The following ZNF804A variants were observed in gnomAD, a reference collection of about 807,000 sequenced individuals.
ZNF804A encodes the protein zinc finger protein 804A.
ZNF804A carries 2 observed loss-of-function variants against 16.5 expected under a neutral mutation model. That is an observed-to-expected ratio of 0.12 (90% CI 0.05 to 0.38). The LOEUF (loss-of-function observed/expected upper bound fraction) is 0.38, where lower values mean the gene tolerates loss of function less well. Among genes scored for constraint, ZNF804A ranks in the 10% least tolerant of loss-of-function variants. The pLI is 0.99. For synonymous variants in ZNF804A, 534 were observed against 489.6 expected (o/e 1.09, Z -1.20); for missense variants, 1,473 against 1,390.7 (o/e 1.06, Z -0.94).
chr2:184,631,372 A>C (rs753283367), intron 1 of ZNF804A, among the ~76,000 whole-genome samples: 6 of 152,160 alleles, frequency 3.9e-5, no homozygotes, highest in Non-Finnish European at 8.8e-5. Context: ...CCATTATTGC[A>C]CTAATTTTTT....
intron 2 of ZNF804A, among the ~76,000 whole-genome samples, chr2:184,879,322 C>G (rs1034957365): frequency 3.9e-5 from 6 of 151,964 alleles, no homozygotes; most frequent in Non-Finnish European, 8.8e-5. Flanking sequence ...GTAAAATAGA[C>G]TTCTTTATTA....
chr2:184,868,934 A>C (rs888420431), intron 2 of ZNF804A, among the ~76,000 whole-genome samples: 8 of 152,084 alleles, frequency 5.3e-5, no homozygotes, highest in Non-Finnish European at 1.2e-4. Flanking sequence ...TTTCCCATAG[A>C]AAATACCTTT....
At chr2:184,865,295 C>A (rs547510162) in intron 1 of ZNF804A, among the ~76,000 whole-genome samples, 2 of 151,860 alleles carry the variant, frequency 1.3e-5, no homozygotes, top group African/African-American at 4.8e-5. Context: ...TGTTTACACA[C>A]GGAAACATTG....
intron 1 of ZNF804A, among the ~76,000 whole-genome samples, chr2:184,692,029 G>T (rs1324612059): frequency 6.6e-6 from 1 of 152,118 alleles, no homozygotes; most frequent in African/African-American, 2.4e-5. Flanking sequence ...TAACTGTATA[G>T]CCTACTAAAA....
intron 1 of ZNF804A, among the ~76,000 whole-genome samples, chr2:184,794,559 A>C (rs1694601679): frequency 6.6e-6 from 1 of 152,038 alleles, no homozygotes; most frequent in South Asian, 2.1e-4. Context: ...TAAATCTCAT[A>C]GTACCTATAG....
rs1695346888 is a variant in ZNF804A, at chr2:184,836,427, T to A, written c.112-29942T>A. ...ACAGACAAGATACAGAATCAGTGTC[T>A]TAGAGGGAAGAGTAATAACGGAAGT... On this transcript the variant is annotated intron_variant, in intron 1 of 3. Coordinates refer to ENST00000302277, the MANE Select transcript of ZNF804A (RefSeq NM_194250.2). Among the ~76,000 whole-genome samples the A allele has an allele frequency of 2.0e-5, 3 of 152,070 alleles. No homozygotes were observed. In the South Asian group the frequency reaches 6.2e-4, roughly 31 times the overall value.
chr2:184,685,249 C>T (rs1212159137), intron 1 of ZNF804A, among the ~76,000 whole-genome samples: 1 of 151,960 alleles, frequency 6.6e-6, no homozygotes, highest in Non-Finnish European at 1.5e-5. Flanking sequence ...GCCCCCATGT[C>T]TAGATGAAGG....
chr2:184,665,509 C>T (rs1471601448), intron 1 of ZNF804A, among the ~76,000 whole-genome samples: 1 of 152,174 alleles, frequency 6.6e-6, no homozygotes, highest in Non-Finnish European at 1.5e-5. Context: ...AAATACTACA[C>T]ATTTAACAGA....
At position 184,755,236 on chromosome 2, in the gene ZNF804A, T is replaced by A. The variant is rs1463492391; in HGVS notation, c.112-111133T>A. On this transcript the variant is annotated intron_variant, in intron 1 of 3. Transcript: ENST00000302277. ...TAACTATATGATTCGTGAGCGTGTT[T>A]GATGGTGACCTTATAATGTCGACCT... is the stretch of plus-strand genomic sequence containing the variant. Among the ~76,000 whole-genome samples the A allele has an allele frequency of 2.0e-5, 3 of 151,964 alleles. No individual in the cohort carries two copies. In the East Asian group the frequency reaches 5.8e-4, roughly 29 times the overall value.
intron 1 of ZNF804A, among the ~76,000 whole-genome samples, chr2:184,791,964 A>G (rs903397900): frequency 6.6e-6 from 1 of 152,156 alleles, no homozygotes; most frequent in Admixed American, 6.6e-5. Flanking sequence ...AAGAATATGT[A>G]TTTTAGGTTC....
In ZNF804A at chr2:184,793,088, G is replaced by A. The variant is rs148660567; in HGVS notation, c.112-73281G>A. 1.8e-3 allele frequency among the ~76,000 whole-genome samples: 271 copies of A among 152,196 alleles called. 2 individuals are homozygous for A. The highest frequency in any genetic ancestry group is 5.7e-3 in the African/African-American group (235 of 41,546). ...GGCTTCCAGCTCCATCCATCGTGCT[G>A]CAAAGATCATGATTCCCTTCTTTTT... On this transcript the variant is annotated intron_variant, in intron 1 of 3. Coordinates refer to ENST00000302277, the MANE Select transcript of ZNF804A (RefSeq NM_194250.2).
intron 1 of ZNF804A, among the ~76,000 whole-genome samples, chr2:184,624,703 C>T (rs17617468): frequency 0.11 from 17,415 of 152,188 alleles, 1,414 homozygotes; most frequent in East Asian, 0.29. Context: ...ATACCTTTTT[C>T]TGATTAAACT....
chr2:184,888,687 G>A (rs1684935346), intron 2 of ZNF804A, among the ~76,000 whole-genome samples: 1 of 152,064 alleles, frequency 6.6e-6, no homozygotes, highest in South Asian at 2.1e-4. Context: ...AGAGAACAGA[G>A]TTTCAGGCAC....
chr2:184,827,478 A>G (rs1350231529), intron 1 of ZNF804A, among the ~76,000 whole-genome samples: 1 of 146,578 alleles, frequency 6.8e-6, no homozygotes, highest in Non-Finnish European at 1.5e-5. Flanking sequence ...ACTATAATAT[A>G]TATTTATATA....
intron 1 of ZNF804A, among the ~76,000 whole-genome samples, chr2:184,772,660 A>G (rs944606478): frequency 7.2e-5 from 11 of 151,784 alleles, no homozygotes; most frequent in Admixed American, 3.9e-4. Flanking sequence ...TCTGGATCAT[A>G]TGACAACTAT....
rs1692844317 is a variant in ZNF804A, at chr2:184,697,103, GA to G, written c.111+98035del. Among the ~76,000 whole-genome samples, 12 of 152,068 alleles carry G rather than the reference GA, an allele frequency of 7.9e-5. No homozygotes were observed. In the South Asian group the frequency reaches 1.9e-3, roughly 24 times the overall value. Reference sequence around the variant, plus strand: ...TAAAGATAACCTCTGCATGTGTGAAGAAGAGATTATATTTTAAATTAATTAT... The same window carrying G: ...TAAAGATAACCTCTGCATGTGTGAAGAGAGATTATATTTTAAATTAATTAT... On this transcript the variant is annotated intron_variant, in intron 1 of 3. Coordinates refer to ENST00000302277, the MANE Select transcript of ZNF804A (RefSeq NM_194250.2).
chr2:184,907,021 A>G (rs1055740320), intron 2 of ZNF804A, among the ~76,000 whole-genome samples: 7 of 152,158 alleles, frequency 4.6e-5, no homozygotes, highest in African/African-American at 1.4e-4. Context: ...ACCTCCAGCC[A>G]TGAAGAACTG....
intron 2 of ZNF804A, among the ~76,000 whole-genome samples, chr2:184,917,563 A>G (rs907550906): frequency 6.6e-6 from 1 of 152,116 alleles, no homozygotes; most frequent in Non-Finnish European, 1.5e-5. Flanking sequence ...GATATTCTGA[A>G]AAAAAGACCA....
chr2:184,705,691 A>G (rs1464360406), intron 1 of ZNF804A, among the ~76,000 whole-genome samples: 1 of 152,102 alleles, frequency 6.6e-6, no homozygotes, highest in Non-Finnish European at 1.5e-5. Context: ...CTATTTTTTA[A>G]GAAAAACAAC....
Sources: allele counts gnomAD v4.1 joint callset (sites outside exome capture counted in the v4.1 genomes callset), GRCh38; gene constraint gnomAD v4.1.1; transcripts MANE v1.5; gene names NCBI Gene and HGNC (gene_info 2026-07-23, HGNC 2026-07-21).